The following FRAS1 variants were observed in gnomAD, a reference collection of about 807,000 sequenced individuals.
FRAS1 encodes the protein Fraser extracellular matrix complex subunit 1, also known as extracellular matrix organizing protein FRAS1.
FRAS1 carries 290 observed loss-of-function variants against 435.2 expected under a neutral mutation model. The ratio of observed to expected loss-of-function variants is 0.67; its 90% CI spans 0.61 to 0.73. The LOEUF (loss-of-function observed/expected upper bound fraction) is 0.73, where lower values mean the gene tolerates loss of function less well. Ranked by LOEUF, FRAS1 falls within the 30% of genes least tolerant of loss-of-function variation. The probability of loss-of-function intolerance (pLI) is 0.00; values close to 1 mark genes in which losing one functional copy is unlikely to be tolerated. For missense variants in FRAS1, 4,860 were observed against 5,001.5 expected (o/e 0.97, Z 0.85); for synonymous variants, 1,800 against 1,851.0 (o/e 0.97, Z 0.71).
chr4:78,381,692 C>T (rs1055677376), intron 27 of FRAS1, among the ~76,000 whole-genome samples: 4 of 152,298 alleles, frequency 2.6e-5, no homozygotes, highest in South Asian at 2.1e-4. Flanking sequence ...CGTAAAGCTT[C>T]GTAGACAACC....
intron 47 of FRAS1, among the ~76,000 whole-genome samples, chr4:78,462,356 C>G (rs750399740): frequency 2.7e-5 from 4 of 150,478 alleles, no homozygotes; most frequent in Non-Finnish European, 5.9e-5. Flanking sequence ...GCCTGGGCAA[C>G]AAAGTGAGAC....
intron 19 of FRAS1, among the ~76,000 whole-genome samples, chr4:78,335,421 T>C (rs1297271753): frequency 6.6e-6 from 1 of 152,226 alleles, no homozygotes; most frequent in East Asian, 1.9e-4. Context: ...GGAATGAGTA[T>C]TTCAAGAGAC....
At chr4:78,370,912 C>G (rs1731477110) in intron 23 of FRAS1, among the ~76,000 whole-genome samples, 1 of 152,152 alleles carries the variant, frequency 6.6e-6, no homozygotes, top group African/African-American at 2.4e-5. Context: ...CTCTCTATCC[C>G]TCTGATTCTG....
Position 78,252,304 on chromosome 4 carries a change from GA to G in FRAS1, c.310-87del, listed in dbSNP as rs1725569548. The G allele has an allele frequency of 3.9e-6, 5 of 1,298,318 alleles. No individual in the cohort carries two copies. In the South Asian group the frequency reaches 6.6e-5, roughly 17 times the overall value. 80.4% of individuals were successfully genotyped at this position (1,298,318 alleles called of 1,614,324 possible). A position where few individuals can be genotyped will look rare whatever the true frequency, so the allele number is the denominator to read the frequency against. ...TTCCCTGAGCTCCATCCTTAATTTG[GA>G]TAAGAGAAGATTTGTTTCTATTTGG... On this transcript the variant is annotated intron_variant, in intron 4 of 73. Coordinates refer to ENST00000512123, the MANE Select transcript of FRAS1 (RefSeq NM_025074.7).
At chr4:78,448,539 C>T (rs548140593) in intron 44 of FRAS1, among the ~76,000 whole-genome samples, 2 of 152,256 alleles carry the variant, frequency 1.3e-5, no homozygotes, top group South Asian at 4.1e-4. Context: ...ATGCTTATGT[C>T]TGTGAATTAG....
In FRAS1 at chr4:78,421,985, G is replaced by T; in HGVS notation, c.4663G>T (p.Ala1555Ser). 6.2e-7 allele frequency: 1 copy of T among 1,611,956 alleles called. No homozygotes were observed. The highest frequency in any genetic ancestry group is 8.5e-7 in the Non-Finnish European group (1 of 1,178,872). ...PAAPHLQELM[A>S]FSFAGLPESV... ...AGCACCCCACCTCCAGGAGCTCATGGCCTTCTCGTTCGCTGGTAATGCTCT... is the reference window on the plus strand; with the variant it reads ...AGCACCCCACCTCCAGGAGCTCATGTCCTTCTCGTTCGCTGGTAATGCTCT... The change falls in exon 34 of 74, where the codon GCC (alanine) becomes TCC (serine). Residue 1555 changes from alanine to serine, a missense_variant. By Grantham distance (99) the Ala-to-Ser change is moderately conservative. Transcript: ENST00000512123.
intron 47 of FRAS1, among the ~76,000 whole-genome samples, chr4:78,460,537 G>A (rs2109843101): frequency 6.6e-6 from 1 of 152,326 alleles, no homozygotes; most frequent in Admixed American, 6.5e-5. Context: ...AAAAGTGGAT[G>A]ATGATTGAAA....
At chr4:78,142,614 C>T (rs148878977) in intron 2 of FRAS1, among the ~76,000 whole-genome samples, 371 of 151,968 alleles carry the variant, frequency 2.4e-3, no homozygotes, top group Non-Finnish European at 4.0e-3. Context: ...CAGGAAAGGA[C>T]GAAGAGCAAT....
intron 2 of FRAS1, among the ~76,000 whole-genome samples, chr4:78,200,375 C>A (rs114688706): frequency 2.3e-3 from 356 of 152,280 alleles, no homozygotes; most frequent in African/African-American, 8.1e-3. Flanking sequence ...TGATATGGAG[C>A]TCCTGACAGA....
intron 2 of FRAS1, among the ~76,000 whole-genome samples, chr4:78,203,055 G>T (rs915202810): frequency 6.6e-6 from 1 of 152,200 alleles, no homozygotes. Flanking sequence ...GGTACTTGGG[G>T]TATTGAAAAT....
chr4:78,264,466 A>G (rs1047700331), intron 6 of FRAS1, among the ~76,000 whole-genome samples: 1 of 152,202 alleles, frequency 6.6e-6, no homozygotes, highest in Non-Finnish European at 1.5e-5. Context: ...ATGTAAATAA[A>G]TTTATACATT....
At chr4:78,439,094 A>C in intron 40 of FRAS1, 30 bp downstream of exon 40, 1 of 1,567,232 alleles carries the variant, frequency 6.4e-7, no homozygotes, top group Non-Finnish European at 8.7e-7. Context: ...ATAAACAGTG[A>C]GTACTATAGA....
chr4:78,215,714 A>G (rs1412248598), intron 2 of FRAS1, among the ~76,000 whole-genome samples: 1 of 152,168 alleles, frequency 6.6e-6, no homozygotes, highest in Non-Finnish European at 1.5e-5. Context: ...AGCATTTGTC[A>G]TTTTGTGACT....
intron 51 of FRAS1, among the ~76,000 whole-genome samples, chr4:78,471,881 C>A (rs1291686827): frequency 2.0e-5 from 3 of 152,186 alleles, no homozygotes; most frequent in African/African-American, 4.8e-5. Context: ...TGAAATTAAT[C>A]TTTTTCTCTC....
At chr4:78,142,474 A>G (rs1464617881) in intron 2 of FRAS1, among the ~76,000 whole-genome samples, 1 of 152,028 alleles carries the variant, frequency 6.6e-6, no homozygotes, top group Non-Finnish European at 1.5e-5. Flanking sequence ...TGTAACTGAA[A>G]ACCAAAAGAA....
intron 14 of FRAS1, among the ~76,000 whole-genome samples, chr4:78,291,635 C>T (rs1727903193): frequency 6.6e-6 from 1 of 152,116 alleles, no homozygotes; most frequent in South Asian, 2.1e-4. Context: ...TTCATTTCCC[C>T]TTTCATTCTT....
intron 2 of FRAS1, among the ~76,000 whole-genome samples, chr4:78,123,830 A>G (rs1719175400): frequency 6.6e-6 from 1 of 152,178 alleles, no homozygotes; most frequent in Admixed American, 6.5e-5. Flanking sequence ...CTGATTTTGT[A>G]TTCTGATATT....
chr4:78,457,227 A>G (rs1466096704), intron 47 of FRAS1, among the ~76,000 whole-genome samples: 1 of 152,158 alleles, frequency 6.6e-6, no homozygotes, highest in Non-Finnish European at 1.5e-5. Context: ...CCCACTGTGG[A>G]GTCCACCGGA....
intron 2 of FRAS1, among the ~76,000 whole-genome samples, chr4:78,084,865 C>G (rs1184926055): frequency 1.3e-5 from 2 of 152,032 alleles, no homozygotes; most frequent in Admixed American, 1.3e-4. Flanking sequence ...TACATATTTC[C>G]TTTTAAAGAG....
Sources: allele counts gnomAD v4.1 joint callset (sites outside exome capture counted in the v4.1 genomes callset), GRCh38; gene constraint gnomAD v4.1.1; transcripts MANE v1.5; gene names NCBI Gene and HGNC (gene_info 2026-07-23, HGNC 2026-07-21).